TIAM1: variants seen among roughly 807,000 people sequenced by gnomAD.
TIAM1 encodes the protein rho guanine nucleotide exchange factor TIAM1.
In TIAM1, 65 loss-of-function variants were observed where a neutral mutation model predicts 163.5. The observed-to-expected ratio is 0.40, with a 90% CI of 0.33 to 0.49. The LOEUF is 0.49. Ranked by LOEUF, TIAM1 falls within the 20% of genes least tolerant of loss-of-function variation. The pLI is 0.77. For synonymous variants in TIAM1, 833 were observed against 810.1 expected (o/e 1.03, Z -0.48); for missense variants, 1,789 against 2,044.7 (o/e 0.87, Z 2.41).
chr21:31,175,862 G>C (rs560656761), intron 15 of TIAM1, among the ~76,000 whole-genome samples: 40 of 152,296 alleles, frequency 2.6e-4, no homozygotes, highest in African/African-American at 9.4e-4. Flanking sequence ...GCCTCCCAAA[G>C]TGCTGGGATG....
intron 2 of TIAM1, among the ~76,000 whole-genome samples, chr21:31,399,507 T>A (rs1473350160): frequency 6.6e-6 from 1 of 152,188 alleles, no homozygotes; most frequent in Non-Finnish European, 1.5e-5. Flanking sequence ...GCATCCACTG[T>A]GGGGGGAAAT....
At chr21:31,544,037 C>T (rs2048406464) in intron 1 of TIAM1, among the ~76,000 whole-genome samples, 1 of 151,588 alleles carries the variant, frequency 6.6e-6, no homozygotes, top group Non-Finnish European at 1.5e-5. Context: ...CAGCGAAAAC[C>T]CATCTGTATT....
chr21:31,371,316 G>T (rs1417956675), intron 2 of TIAM1, among the ~76,000 whole-genome samples: 1 of 152,168 alleles, frequency 6.6e-6, no homozygotes, highest in Non-Finnish European at 1.5e-5. Flanking sequence ...CAGACTCCCA[G>T]AATGCAAAGG....
intron 19 of TIAM1, among the ~76,000 whole-genome samples, chr21:31,150,440 T>A (rs907606819): frequency 1.3e-5 from 2 of 152,134 alleles, no homozygotes; most frequent in African/African-American, 4.8e-5. Context: ...GAACAGCTCA[T>A]TCTTAACACA....
intron 1 of TIAM1, among the ~76,000 whole-genome samples, chr21:31,535,016 G>A (rs1366975895): frequency 1.3e-5 from 2 of 152,012 alleles, no homozygotes; most frequent in South Asian, 2.1e-4. Context: ...CCTGAACCCA[G>A]GAGGTCAAAG....
intron 2 of TIAM1, among the ~76,000 whole-genome samples, chr21:31,297,012 C>T (rs574731231): frequency 2.2e-4 from 33 of 152,282 alleles, no homozygotes; most frequent in South Asian, 1.2e-3. Flanking sequence ...CTTGACATCC[C>T]TTCTCCTAAA....
At chr21:31,153,245 A>C (rs1374244991) in intron 17 of TIAM1, 111 bp from the exon 18 acceptor site, 3 of 865,968 alleles carry the variant, frequency 3.5e-6, no homozygotes, top group African/African-American at 3.5e-5. Context: ...AGAAGAGAAC[A>C]AACAGATCCT....
At chr21:31,244,536 C>A (rs1261395292) in intron 6 of TIAM1, among the ~76,000 whole-genome samples, 1 of 152,122 alleles carries the variant, frequency 6.6e-6, no homozygotes, top group Non-Finnish European at 1.5e-5. Flanking sequence ...ACCAGCCTGA[C>A]CAATATGGTG....
intron 2 of TIAM1, among the ~76,000 whole-genome samples, chr21:31,299,469 T>C (rs1377832186): frequency 6.6e-6 from 1 of 152,236 alleles, no homozygotes; most frequent in Non-Finnish European, 1.5e-5. Flanking sequence ...CAATTTATAA[T>C]GGAGTTTGTC....
At position 31,289,532 on chromosome 21, in the gene TIAM1, T is replaced by A. The variant is rs568673232; in HGVS notation, c.-188-12624A>T. ...ACCACTGAGCTGGACCCCAGAAAAGTGACCTAAGCTCATTTAAAAGCCGGT... is the reference window on the plus strand; with the variant it reads ...ACCACTGAGCTGGACCCCAGAAAAGAGACCTAAGCTCATTTAAAAGCCGGT... On this transcript the variant is annotated intron_variant, in intron 2 of 27. Transcript: ENST00000541036. 4.6e-5 allele frequency among the ~76,000 whole-genome samples: 7 copies of A among 152,292 alleles called. No individual in the cohort carries two copies. In the East Asian group the frequency reaches 1.4e-3, roughly 29 times the overall value.
chr21:31,535,731 G>A (rs1395958353), intron 1 of TIAM1, among the ~76,000 whole-genome samples: 8 of 135,634 alleles, frequency 5.9e-5, no homozygotes, highest in African/African-American at 2.1e-4. Flanking sequence ...CCTTCCCATG[G>A]GAACAAAAAA....
In TIAM1 at chr21:31,288,136, GGC is replaced by G. The variant is rs1176753805; in HGVS notation, c.-188-11230_-188-11229del. Among the ~76,000 whole-genome samples, 292 of 152,122 alleles carry G rather than the reference GGC, an allele frequency of 1.9e-3. 6 individuals are homozygous for G. The East Asian group carries it at 0.052, about 27-fold the overall frequency. On this transcript the variant is annotated intron_variant, in intron 2 of 27. Transcript: ENST00000541036. Reference sequence around the variant, plus strand: ...CCAGATTCAAATGTTATCCCTGAGGGGCCACAATTCACTCACAGTGATCTTAC... The same window carrying G: ...CCAGATTCAAATGTTATCCCTGAGGGCACAATTCACTCACAGTGATCTTAC...
chr21:31,435,749 TG>T (rs113765932), intron 2 of TIAM1, among the ~76,000 whole-genome samples: 3 of 152,260 alleles, frequency 2.0e-5, no homozygotes, highest in African/African-American at 7.2e-5. Flanking sequence ...TGTTGAGAGG[TG>T]GGACCTTTAA....
chr21:31,506,332 A>G (rs76555538), intron 1 of TIAM1, among the ~76,000 whole-genome samples: 9,325 of 152,008 alleles, frequency 0.061, 745 homozygotes, highest in African/African-American at 0.18. Context: ...TTAAGGTATA[A>G]GAAATACATA....
At chr21:31,558,286 C>T (rs2048961817) in intron 1 of TIAM1, among the ~76,000 whole-genome samples, 1 of 152,126 alleles carries the variant, frequency 6.6e-6, no homozygotes, top group Non-Finnish European at 1.5e-5. Context: ...CCGGATGAGG[C>T]ATTGTCTGCG....
At chr21:31,197,966 CCT>C (rs146196999) in intron 12 of TIAM1, among the ~76,000 whole-genome samples, 3,333 of 152,204 alleles carry the variant, frequency 0.022, 100 homozygotes, top group African/African-American at 0.068. Context: ...GGGAACCTAC[CCT>C]CTTAGGTCAG....
intron 2 of TIAM1, among the ~76,000 whole-genome samples, chr21:31,360,931 A>G (rs1039262694): frequency 2.0e-5 from 3 of 152,214 alleles, no homozygotes; most frequent in Admixed American, 6.5e-5. Flanking sequence ...ATAATGCAAG[A>G]GGAACTCCCT....
chr21:31,510,895 G>A (rs73345635), intron 1 of TIAM1, among the ~76,000 whole-genome samples: 1 of 152,170 alleles, frequency 6.6e-6, no homozygotes, highest in African/African-American at 2.4e-5. Context: ...AGGACATATT[G>A]GAGTAGGGTG....
At chr21:31,518,838 T>C (rs1474119805) in intron 1 of TIAM1, among the ~76,000 whole-genome samples, 1 of 152,218 alleles carries the variant, frequency 6.6e-6, no homozygotes, top group East Asian at 1.9e-4. Context: ...TGTTGCTTTC[T>C]GGCCTTTAGG....
Sources: allele counts gnomAD v4.1 joint callset (sites outside exome capture counted in the v4.1 genomes callset), GRCh38; gene constraint gnomAD v4.1.1; transcripts MANE v1.5; gene names NCBI Gene and HGNC (gene_info 2026-07-23, HGNC 2026-07-21).